The following SRGAP3 variants were observed in gnomAD, a reference collection of about 807,000 sequenced individuals.
SRGAP3 encodes SLIT-ROBO Rho GTPase activating protein 3.
A neutral mutation model predicts 121.1 loss-of-function variants in SRGAP3; 39 were observed. That is an observed-to-expected ratio of 0.32 (90% CI 0.25 to 0.42). The LOEUF (loss-of-function observed/expected upper bound fraction) is 0.42, where lower values mean the gene tolerates loss of function less well. SRGAP3 is among the 10% of genes least tolerant of loss of function. The probability of loss-of-function intolerance (pLI) is 1.00; values close to 1 mark genes in which losing one functional copy is unlikely to be tolerated. For missense variants in SRGAP3, 1,213 were observed against 1,470.6 expected, an observed-to-expected ratio of 0.82 and a Z score of 2.86; for synonymous variants, 601 against 570.0, an observed-to-expected ratio of 1.05 and a Z score of -0.77.
intron 3 of SRGAP3, among the ~76,000 whole-genome samples, chr3:9,285,887 C>T (rs11918060): frequency 0.016 from 2,477 of 151,924 alleles, 34 homozygotes; most frequent in African/African-American, 0.044. Context: ...GTGGGAGGAT[C>T]GATTAAACTC....
intron 3 of SRGAP3, 137 bp downstream of exon 3, chr3:9,104,543 G>A (rs1948343898): frequency 2.4e-5 from 28 of 1,188,654 alleles, no homozygotes; most frequent in Admixed American, 3.6e-5. Context: ...CCAGCCCTCA[G>A]CCACTTGCAT....
chr3:9,061,809 G>A (rs1946186607), intron 5 of SRGAP3, among the ~76,000 whole-genome samples: 1 of 152,126 alleles, frequency 6.6e-6, no homozygotes, highest in Non-Finnish European at 1.5e-5. Flanking sequence ...GGACCCAATT[G>A]CCCCCCAGGG....
Position 8,985,356 on chromosome 3 carries a change from G to T in SRGAP3, c.*163C>A. The T allele has an allele frequency of 7.2e-7, 1 of 1,396,430 alleles. No individual in the cohort carries two copies. The allele number at this position is 1,396,430 out of a possible 1,614,324, so 86.5% of individuals were successfully genotyped here. On this transcript the variant is annotated 3_prime_UTR_variant, in exon 22 of 22. Coordinates refer to ENST00000383836, the MANE Select transcript of SRGAP3 (RefSeq NM_014850.4). The surrounding 1 kb of genome is among the most constrained non-coding windows in gnomAD (Gnocchi z 5.1). ...GTGGGATTCCCATGGCTGGACGTGA[G>T]CTGCAGCCAGCGCCCGGGCCTCAGC...
intron 12 of SRGAP3, among the ~76,000 whole-genome samples, chr3:9,031,448 T>C (rs1388715049): frequency 6.6e-6 from 1 of 152,132 alleles, no homozygotes; most frequent in African/African-American, 2.4e-5. Context: ...TCCTCTACGC[T>C]TTGGTCTTCT....
intron 2 of SRGAP3, among the ~76,000 whole-genome samples, chr3:9,112,341 C>T (rs751060814): frequency 2.6e-5 from 4 of 152,182 alleles, no homozygotes; most frequent in Non-Finnish European, 1.5e-5. Context: ...TGCATTTAAC[C>T]TCCTGCTACC....
intron 16 of SRGAP3, 72 bp from the exon 17 acceptor site, chr3:9,013,607 G>A (rs1438615827): frequency 5.8e-5 from 91 of 1,580,986 alleles, no homozygotes; most frequent in Non-Finnish European, 6.1e-6. Context: ...TTTCTTTTGG[G>A]GGACCCTATT....
chr3:9,024,929 T>C (rs974508928), intron 14 of SRGAP3, among the ~76,000 whole-genome samples: 2 of 152,178 alleles, frequency 1.3e-5, no homozygotes, highest in African/African-American at 2.4e-5. Context: ...ATAGTAGTAA[T>C]AGCAGTAGTA....
chr3:9,267,143 T>G (rs578121718), intron 3 of SRGAP3, among the ~76,000 whole-genome samples: 25 of 152,196 alleles, frequency 1.6e-4, no homozygotes, highest in Non-Finnish European at 3.1e-4. Context: ...CTGGTCTTGT[T>G]TCTACCCAGC....
rs746250417 is a variant in SRGAP3 at position 9,126,424 on chromosome 3, G to A, written c.68-1507C>T. ...AGGCGGGTGGATCACGAGGTCAGGA[G>A]GTGGAGACCATCCTGGCTGACACAG... On this transcript the variant is annotated intron_variant, in intron 1 of 21. Coordinates refer to ENST00000383836, the MANE Select transcript of SRGAP3 (RefSeq NM_014850.4). 5.5e-4 allele frequency among the ~76,000 whole-genome samples: 84 copies of A among 152,258 alleles called. 1 individual carries two copies. Among genetic ancestry groups the A allele is most frequent in the Middle Eastern group, 3.4e-3 (1 of 294 alleles).
At position 9,026,881 on chromosome 3, in the gene SRGAP3, G is replaced by T. The variant is rs1944234177; in HGVS notation, c.1600+54C>A. ...TAGAATCTCATTTCCTATCAGAACAGCCTAGCACCTGTTCTGCAGATTGCT... is the reference window on the plus strand; with the variant it reads ...TAGAATCTCATTTCCTATCAGAACATCCTAGCACCTGTTCTGCAGATTGCT... On this transcript the variant is annotated intron_variant, in intron 13 of 21. Coordinates refer to ENST00000383836, the MANE Select transcript of SRGAP3 (RefSeq NM_014850.4). 1.9e-6 allele frequency: 3 copies of T among 1,584,006 alleles called. No individual in the cohort carries two copies. In the Admixed American group the frequency reaches 5.0e-5, roughly 26 times the overall value.
chr3:9,085,639 A>G (rs1346705470), intron 3 of SRGAP3, among the ~76,000 whole-genome samples: 1 of 152,246 alleles, frequency 6.6e-6, no homozygotes, highest in Non-Finnish European at 1.5e-5. Context: ...GCCATAAAAA[A>G]GAATGAAATC....
At chr3:9,190,600 C>T (rs1560382189) in intron 1 of SRGAP3, among the ~76,000 whole-genome samples, 2 of 152,178 alleles carry the variant, frequency 1.3e-5, no homozygotes, top group African/African-American at 4.8e-5. Flanking sequence ...ACTGAAGCTA[C>T]CTGGGGTTAC....
At chr3:9,093,565 T>C (rs1369146007) in intron 3 of SRGAP3, among the ~76,000 whole-genome samples, 2 of 151,848 alleles carry the variant, frequency 1.3e-5, no homozygotes, top group Admixed American at 1.3e-4. Context: ...ATCCATCCAT[T>C]CATCCATCCA....
intron 3 of SRGAP3, among the ~76,000 whole-genome samples, chr3:9,290,401 C>T (rs1412873730): frequency 6.6e-6 from 1 of 152,072 alleles, no homozygotes; most frequent in South Asian, 2.1e-4. Context: ...TTACATAGGA[C>T]AGGTGTGTGG....
chr3:9,143,097 C>T (rs1357878148), intron 1 of SRGAP3, among the ~76,000 whole-genome samples: 1 of 152,082 alleles, frequency 6.6e-6, no homozygotes, highest in African/African-American at 2.4e-5. Flanking sequence ...GCCTCAGTCT[C>T]CCAAACTGCT....
At chr3:9,251,444 G>A (rs548540187), upstream of SRGAP3, among the ~76,000 whole-genome samples, 1 of 152,114 alleles carries the variant, frequency 6.6e-6, no homozygotes, top group Non-Finnish European at 1.5e-5. Flanking sequence ...AGAAAGATGG[G>A]CACAGAGATT....
chr3:9,001,584 T>G (rs540309984), intron 18 of SRGAP3, among the ~76,000 whole-genome samples: 13 of 152,204 alleles, frequency 8.5e-5, no homozygotes, highest in Non-Finnish European at 1.5e-4. Context: ...TCCAACTATA[T>G]AAGTGGTAAT....
intron 1 of SRGAP3, among the ~76,000 whole-genome samples, chr3:9,216,204 ATCT>A (rs1358707162): frequency 2.0e-5 from 3 of 152,324 alleles, no homozygotes; most frequent in South Asian, 2.1e-4. Context: ...TCTGTGCTTC[ATCT>A]TCTTACTTCC....
intron 11 of SRGAP3, chr3:9,035,501 A>G (rs1313200687): frequency 5.5e-6 from 1 of 181,484 alleles, no homozygotes; most frequent in African/African-American, 2.4e-5. Flanking sequence ...ATATCGACTT[A>G]CTGAAGTGCT....
Sources: gnomAD v4.1 joint callset for allele counts (sites outside exome capture counted in the v4.1 genomes callset) on GRCh38, gnomAD v4.1.1 for gene constraint, Gnocchi (gnomAD v3.1) non-coding constraint, MANE v1.5 for transcripts, NCBI Gene and HGNC (gene_info 2026-07-23, HGNC 2026-07-21) for gene names.